IGSF9B: variants seen among roughly 807,000 people sequenced by gnomAD.
IGSF9B encodes immunoglobulin superfamily member 9B.
IGSF9B carries 48 observed loss-of-function variants against 143.7 expected under a neutral mutation model. The ratio of observed to expected loss-of-function variants is 0.33; its 90% CI spans 0.26 to 0.42. The LOEUF is 0.42. IGSF9B is among the 20% of genes least tolerant of loss of function. The pLI, the probability that IGSF9B is intolerant of heterozygous loss-of-function variation, is 1.00. For missense variants in IGSF9B, 1,706 were observed against 1,980.0 expected, an observed-to-expected ratio of 0.86 and a Z score of 2.63; for synonymous variants, 903 against 833.1, an observed-to-expected ratio of 1.08 and a Z score of -1.44.
intron 1 of IGSF9B, among the ~76,000 whole-genome samples, chr11:133,951,755 G>C (rs529359461): frequency 6.5e-4 from 99 of 152,312 alleles, no homozygotes; most frequent in African/African-American, 2.1e-3. Flanking sequence ...CGCCCCTGCA[G>C]CCGGCAGGCC....
chr11:133,909,152 A>G lies in IGSF9B; in HGVS notation c.4231T>C (p.Cys1411Arg). The G allele has an allele frequency of 6.5e-7, 1 of 1,535,910 alleles. No homozygotes were observed. Among genetic ancestry groups the G allele is most frequent in the Non-Finnish European group, 8.7e-7 (1 of 1,146,744 alleles). The stretch of plus-strand genomic sequence containing the variant: ...TGGTCTTCCGGAAGCTGGCGGTGGC[A>G]CAAGTCTGAGAGCCGGGCAAAGGGG... ...PDPFARLSDL[C>R]HRQLPEDQTA... The change falls in exon 20 of 20, where the codon TGC (cysteine) becomes CGC (arginine). Residue 1411 changes from cysteine to arginine, a missense_variant. Transcript: ENST00000533871. This position sits in a 1 kb window ranked among gnomAD's most constrained non-coding sequence, Gnocchi z 4.2.
intron 1 of IGSF9B, 147 bp from the exon 2 acceptor site, chr11:133,946,405 C>T (rs1215077502): frequency 6.0e-6 from 4 of 662,718 alleles, no homozygotes; most frequent in East Asian, 5.5e-5. Flanking sequence ...GTCCCAGGCA[C>T]ACCCTCCATC....
Position 133,919,987 on chromosome 11 carries a change from G to A in IGSF9B, c.3738C>T (p.Ser1246=). 1 of 1,579,360 alleles carries A rather than the reference G, an allele frequency of 6.3e-7. No homozygotes were observed. The highest frequency in any genetic ancestry group is 8.6e-7 in the Non-Finnish European group (1 of 1,162,870). The change falls in exon 18 of 20, where the codon AGC becomes AGT. Residue 1246 remains serine (S), a synonymous_variant. Transcript: ENST00000533871. The stretch of plus-strand genomic sequence containing the variant: ...TGGACGGCGTAGACTTTCGAGAAAA[G>A]CTGACTGCAGCCGGCGGCTGCAGGG... ...EITLQPPAAV[S]FSRKSTPSTG... is the part of the protein sequence containing the mutation.
rs767968061 is a variant in IGSF9B, at chr11:133,932,116, G to A, written c.1065C>T (p.Thr355=). 15 of 1,613,562 alleles carry A rather than the reference G, an allele frequency of 9.3e-6. No individual in the cohort carries two copies. The highest frequency in any genetic ancestry group is 8.0e-5 in the African/African-American group (6 of 74,942). The change falls in exon 8 of 20, where the codon ACC becomes ACT. Residue 355 remains threonine, a synonymous_variant. Transcript: ENST00000533871. ...GGCCGTCCTTGTTCCACTTGACCAC[G>A]GTGGCCGGTGGTTCTGCGTCCACAG... is the stretch of plus-strand genomic sequence containing the variant. ...RCPVDAEPPA[T]VVKWNKDGRP... is the part of the protein sequence containing the mutation.
chr11:133,931,427 G>T lies in IGSF9B; in HGVS notation c.1368+26C>A. On this transcript the variant is annotated intron_variant, in intron 10 of 19. Transcript: ENST00000533871. The surrounding 1 kb of genome is among the most constrained non-coding windows in gnomAD (Gnocchi z 7.7). ...CCCTGGGCCCTCACACCTCCCTGCA[G>T]ACCCAGGGCTCCAGGGCCCAGGTAC... The T allele has an allele frequency of 6.4e-7, 1 of 1,551,558 alleles. No homozygotes were observed. Among genetic ancestry groups the T allele is most frequent in the Non-Finnish European group, 8.9e-7 (1 of 1,125,826 alleles).
In IGSF9B at chr11:133,911,965, C is replaced by T; in HGVS notation, c.4026G>A (p.Arg1342=). The change falls in exon 19 of 20, where the codon AGG becomes AGA. Residue 1342 remains arginine (R), a synonymous_variant. Coordinates refer to ENST00000533871, the MANE Select transcript of IGSF9B (RefSeq NM_001277285.4). ...PAPGNAAAPE[R]LEALKYQRIK... is the part of the protein sequence containing the mutation. ...TCCGTTGGTATTTCAGAGCCTCCAG[C>T]CTCTCAGGCGCAGCAGCGTTCCCGG... 6.5e-7 allele frequency: 1 copy of T among 1,534,836 alleles called. No homozygotes were observed. The highest frequency in any genetic ancestry group is 1.2e-5 in the South Asian group (1 of 83,888).
intron 11 of IGSF9B, among the ~76,000 whole-genome samples, chr11:133,930,294 C>T (rs1216441749): frequency 6.6e-6 from 1 of 152,162 alleles, no homozygotes; most frequent in Non-Finnish European, 1.5e-5. Flanking sequence ...AGAAAGCATT[C>T]GGGCCACGGC....
intron 5 of IGSF9B, among the ~76,000 whole-genome samples, 181 bp from the exon 6 acceptor site, chr11:133,936,375 C>A (rs1039917862): frequency 6.6e-6 from 1 of 152,170 alleles, no homozygotes; most frequent in Non-Finnish European, 1.5e-5. Flanking sequence ...CACCCCTGCC[C>A]CCGCACCAGG....
intron 13 of IGSF9B, among the ~76,000 whole-genome samples, chr11:133,926,409 G>A (rs141573746): frequency 1.3e-5 from 2 of 152,324 alleles, no homozygotes; most frequent in South Asian, 2.1e-4. Flanking sequence ...CTGGAGTCGC[G>A]CCACCTACAC....
At chr11:133,949,907 G>A (rs2121346402) in intron 1 of IGSF9B, among the ~76,000 whole-genome samples, 1 of 152,344 alleles carries the variant, frequency 6.6e-6, no homozygotes, top group African/African-American at 2.4e-5. Flanking sequence ...TTTAGAGAAG[G>A]CCAGAAATAG....
Position 133,921,391 on chromosome 11 carries a change from G to C in IGSF9B, c.2334C>G (p.Ser778=), listed in dbSNP as rs1172279028. 6.6e-7 allele frequency: 1 copy of C among 1,514,900 alleles called. No individual in the cohort carries two copies. The allele number at this position is 1,514,900 out of a possible 1,614,324, so 93.8% of individuals were successfully genotyped here. Residue 778 remains serine, a synonymous_variant, in exon 18 of 20, where the codon TCC becomes TCG. Coordinates refer to ENST00000533871, the MANE Select transcript of IGSF9B (RefSeq NM_001277285.4). The stretch of plus-strand genomic sequence containing the variant: ...TGCTCTCGGGGCTCACCTTGCCAGA[G>C]GACAAGCTGCAAGGAGGAGCAAGAG... ...HCRKSLESPL[S]SGKVSPESIR...
chr11:133,944,531 C>A (rs967931730), intron 2 of IGSF9B, among the ~76,000 whole-genome samples, 165 bp from the exon 3 acceptor site: 1 of 152,108 alleles, frequency 6.6e-6, no homozygotes, highest in Non-Finnish European at 1.5e-5. Context: ...CAGCAGGTGG[C>A]AAAGGAAAGG....
In IGSF9B at chr11:133,948,079, GTGTGTGTGTGTC is replaced by G. The variant is rs1261030036; in HGVS notation, c.65-1833_65-1822del. Among the ~76,000 whole-genome samples, 40 of 144,184 alleles carry G rather than the reference GTGTGTGTGTGTC, an allele frequency of 2.8e-4. No homozygotes were observed. The Middle Eastern group carries it at 0.014, about 50-fold the overall frequency. The allele number at this position is 144,184 out of a possible 152,430, so 94.6% of individuals were successfully genotyped here. A position where few individuals can be genotyped will look rare whatever the true frequency, so the allele number is the denominator to read the frequency against. ...TGCGTGTGTGTGTGTGTGTGTGTGTGTGTGTGTGTGTCTGTGTGTGTTTCGGTTGGCTCATGC... is the reference window on the plus strand; with the variant it reads ...TGCGTGTGTGTGTGTGTGTGTGTGTGTGTGTGTGTTTCGGTTGGCTCATGC... On this transcript the variant is annotated intron_variant, in intron 1 of 19. Transcript: ENST00000533871. This position sits in a 1 kb window ranked among gnomAD's most constrained non-coding sequence, Gnocchi z 4.7.
chr11:133,946,045 G>C lies in IGSF9B; in HGVS notation c.262+16C>G, dbSNP rs374105868. The C allele has an allele frequency of 6.6e-7, 1 of 1,521,976 alleles. No individual in the cohort carries two copies. The highest frequency in any genetic ancestry group is 1.4e-5 in the African/African-American group (1 of 72,950). The allele number at this position is 1,521,976 out of a possible 1,614,324, so 94.3% of individuals were successfully genotyped here. Reference sequence around the variant, plus strand: ...CAGCTGGGGAAGGTGCGGGAGACCGGGTGCCCAGACCTTACCTGCATACTC... The same window carrying C: ...CAGCTGGGGAAGGTGCGGGAGACCGCGTGCCCAGACCTTACCTGCATACTC... On this transcript the variant is annotated intron_variant, in intron 2 of 19. Transcript: ENST00000533871.
intron 11 of IGSF9B, among the ~76,000 whole-genome samples, chr11:133,930,711 C>T (rs1185470840): frequency 6.6e-6 from 1 of 152,212 alleles, no homozygotes; most frequent in South Asian, 2.1e-4. Context: ...GCCAGCCACA[C>T]AGCCGCCTCT....
At chr11:133,911,859 C>T (rs554715303) in intron 19 of IGSF9B, 27 bp downstream of exon 19, 488 of 1,489,242 alleles carry the variant, frequency 3.3e-4, no homozygotes, top group South Asian at 8.5e-4. Context: ...GTGGGAGGAG[C>T]GGGGCGGGCC....
chr11:133,911,410 G>A (rs1024648201), intron 19 of IGSF9B, among the ~76,000 whole-genome samples: 2 of 152,198 alleles, frequency 1.3e-5, no homozygotes, highest in Non-Finnish European at 2.9e-5. Context: ...GTCCTGTCAT[G>A]CCTTTGTTCA....
In IGSF9B at chr11:133,932,362, A is replaced by G. The variant is rs5028216; in HGVS notation, c.968-149T>C. ...CAGACAGACAGACAGACACAGGGACAGACAGACAGACACGGGGACAGACAG... is the reference window on the plus strand; with the variant it reads ...CAGACAGACAGACAGACACAGGGACGGACAGACAGACACGGGGACAGACAG... On this transcript the variant is annotated intron_variant, in intron 7 of 19. Coordinates refer to ENST00000533871, the MANE Select transcript of IGSF9B (RefSeq NM_001277285.4). The G allele has an allele frequency of 3.5e-3, 2,673 of 774,484 alleles. 53 individuals are homozygous for G. In the African/African-American group the frequency reaches 0.044, roughly 13 times the overall value. The allele number at this position is 774,484 out of a possible 1,614,324, so 48.0% of individuals were successfully genotyped here. A position where few individuals can be genotyped will look rare whatever the true frequency, so the allele number is the denominator to read the frequency against.
intron 5 of IGSF9B, among the ~76,000 whole-genome samples, 172 bp from the exon 6 acceptor site, chr11:133,936,366 A>G (rs1338810819): frequency 6.6e-6 from 1 of 151,264 alleles, no homozygotes; most frequent in Non-Finnish European, 1.5e-5. Flanking sequence ...CCTGTCCACC[A>G]CCCCTGCCCC....
Sources: gnomAD v4.1 joint callset for allele counts (sites outside exome capture counted in the v4.1 genomes callset) on GRCh38, gnomAD v4.1.1 for gene constraint, Gnocchi (gnomAD v3.1) non-coding constraint, MANE v1.5 for transcripts, NCBI Gene and HGNC (gene_info 2026-07-23, HGNC 2026-07-21) for gene names.